Variants in KCNH8 observed in about 807,000 individuals in gnomAD.
KCNH8 encodes voltage-gated delayed rectifier potassium channel KCNH8.
Under a neutral mutation model 103.6 loss-of-function variants are expected in KCNH8, and 70 were observed. The ratio of observed to expected loss-of-function variants is 0.68; its 90% CI spans 0.56 to 0.82. The LOEUF is 0.82. Ranked by LOEUF, KCNH8 falls within the 40% of genes least tolerant of loss-of-function variation. KCNH8 has a pLI of 0.00. For missense variants in KCNH8, 1,217 were observed against 1,329.9 expected (o/e 0.92, Z 1.32); for synonymous variants, 498 against 489.4 (o/e 1.02, Z -0.23).
chr3:19,369,417 T>C (rs957766549), intron 5 of KCNH8, among the ~76,000 whole-genome samples: 1 of 151,878 alleles, frequency 6.6e-6, no homozygotes, highest in South Asian at 2.1e-4. Flanking sequence ...CCTTTTCCTG[T>C]ATCCTAAATG....
At chr3:19,396,222 C>T (rs1490659619) in intron 7 of KCNH8, among the ~76,000 whole-genome samples, 1 of 151,926 alleles carries the variant, frequency 6.6e-6, no homozygotes, top group Non-Finnish European at 1.5e-5. Flanking sequence ...AAGCTCAGAC[C>T]TTTGCATAGG....
intron 11 of KCNH8, among the ~76,000 whole-genome samples, chr3:19,461,902 TGTCCTTGTG>T (rs2125193233): frequency 6.6e-6 from 1 of 152,270 alleles, no homozygotes; most frequent in East Asian, 1.9e-4. Context: ...TACCTATGAG[TGTCCTTGTG>T]ATAGTTTGCT....
In KCNH8 at chr3:19,167,217, A is replaced by G. The variant is rs1408671655; in HGVS notation, c.76+18422A>G. Reference sequence around the variant, plus strand: ...ACTGGGGCCAGTTGTCCTAATTGTCAGACCTGTGTTTTAAGTTGTATCATA... The same window carrying G: ...ACTGGGGCCAGTTGTCCTAATTGTCGGACCTGTGTTTTAAGTTGTATCATA... On this transcript the variant is annotated intron_variant, in intron 1 of 15. Coordinates refer to ENST00000328405, the MANE Select transcript of KCNH8 (RefSeq NM_144633.3). Among the ~76,000 whole-genome samples, 38 of 152,238 alleles carry G rather than the reference A, an allele frequency of 2.5e-4. 1 individual carries two copies. The highest frequency in any genetic ancestry group is 1.5e-5 in the Non-Finnish European group (1 of 68,046).
chr3:19,456,684 A>G, intron 10 of KCNH8, 84 bp from the exon 11 acceptor site: 1 of 884,264 alleles, frequency 1.1e-6, no homozygotes, highest in Non-Finnish European at 1.8e-6. Context: ...ATCTCACTGA[A>G]AAATGAAGCC....
At position 19,227,356 on chromosome 3, in the gene KCNH8, T is replaced by C. The variant is rs1389537; in HGVS notation, c.77-26298T>C. On this transcript the variant is annotated intron_variant, in intron 1 of 15. Coordinates refer to ENST00000328405, the MANE Select transcript of KCNH8 (RefSeq NM_144633.3). ...CTGATATGTCAGAGAAGGGGGATGA[T>C]TGGGAGTAAGATAGTATACATGACA... Among the ~76,000 whole-genome samples, 1,422 of 152,296 alleles carry C rather than the reference T, an allele frequency of 9.3e-3. 8 individuals carry two copies. Among genetic ancestry groups the C allele is most frequent in the Non-Finnish European group, 0.014 (920 of 68,016 alleles).
intron 3 of KCNH8, among the ~76,000 whole-genome samples, chr3:19,332,606 A>AT (rs2065526166): frequency 1.3e-5 from 2 of 151,920 alleles, no homozygotes; most frequent in South Asian, 4.2e-4. Flanking sequence ...TTCCCAACCT[A>AT]TTTTTTAGAT....
chr3:19,253,716 G>A lies in KCNH8; in HGVS notation c.139G>A (p.Asp47Asn). 1 of 1,613,734 alleles carries A rather than the reference G, an allele frequency of 6.2e-7. No homozygotes were observed. Among genetic ancestry groups the A allele is most frequent in the Non-Finnish European group, 8.5e-7 (1 of 1,179,920 alleles). ...GGGTTTCCCCATAGTCTACTGTTCC[G>A]ATGGCTTCTGCGAGCTTGCTGGATT... ...AKGFPIVYCSDGFCELAGFAR... is the reference protein window; with the variant it reads ...AKGFPIVYCSNGFCELAGFAR... Residue 47 changes from aspartate to asparagine, a missense_variant, in exon 2 of 16, where the codon GAT becomes AAT. Physicochemically the swap from Asp to Asn is conservative, Grantham distance 23. Coordinates refer to ENST00000328405, the MANE Select transcript of KCNH8 (RefSeq NM_144633.3).
intron 3 of KCNH8, 42 bp downstream of exon 3, chr3:19,281,371 T>A (rs772304213): frequency 2.6e-5 from 40 of 1,537,256 alleles, no homozygotes; most frequent in Non-Finnish European, 3.4e-5. Flanking sequence ...TGGAGTAACA[T>A]TTTGAAATTG....
At chr3:19,418,913 T>C (rs1364102426) in intron 7 of KCNH8, among the ~76,000 whole-genome samples, 2 of 152,176 alleles carry the variant, frequency 1.3e-5, no homozygotes, top group African/African-American at 4.8e-5. Flanking sequence ...GTATTCTCTG[T>C]TATACTAATG....
chr3:19,266,625 C>G (rs1323038037), intron 2 of KCNH8, among the ~76,000 whole-genome samples: 2 of 152,018 alleles, frequency 1.3e-5, no homozygotes, highest in African/African-American at 4.8e-5. Flanking sequence ...TCTACAGTGC[C>G]TAGAATAGTT....
chr3:19,517,924 A>T (rs1345542939), intron 14 of KCNH8, 74 bp from the exon 15 acceptor site: 1 of 1,208,632 alleles, frequency 8.3e-7, no homozygotes, highest in Non-Finnish European at 1.2e-6. Flanking sequence ...TTTCTTTCAT[A>T]TTCTAATTGC....
chr3:19,330,752 C>A (rs985909741), intron 3 of KCNH8, among the ~76,000 whole-genome samples: 1 of 152,132 alleles, frequency 6.6e-6, no homozygotes, highest in Non-Finnish European at 1.5e-5. Context: ...ATAGTCAGGA[C>A]TTCCTAGGCA....
chr3:19,168,891 G>A (rs1362317054), intron 1 of KCNH8, among the ~76,000 whole-genome samples: 2 of 152,032 alleles, frequency 1.3e-5, no homozygotes, highest in Non-Finnish European at 2.9e-5. Flanking sequence ...ACATCTCAGG[G>A]TCGGTTTTCA....
At chr3:19,191,396 C>T (rs78213455) in intron 1 of KCNH8, among the ~76,000 whole-genome samples, 6,774 of 151,648 alleles carry the variant, frequency 0.045, 544 homozygotes, top group African/African-American at 0.15. Context: ...GTTATGATTT[C>T]GATATATCTG....
intron 2 of KCNH8, among the ~76,000 whole-genome samples, chr3:19,257,542 A>G (rs1338534244): frequency 2.6e-5 from 4 of 152,088 alleles, no homozygotes; most frequent in Admixed American, 1.3e-4. Context: ...ATGAAAGACC[A>G]TCATGATTGG....
intron 5 of KCNH8, among the ~76,000 whole-genome samples, chr3:19,379,484 C>T (rs780234845): frequency 1.4e-4 from 21 of 151,838 alleles, no homozygotes; most frequent in Non-Finnish European, 2.1e-4. Flanking sequence ...TACTAAAATA[C>T]AAAAAATTAC....
At position 19,151,167 on chromosome 3, in the gene KCNH8, T is replaced by C. The variant is rs541088998; in HGVS notation, c.76+2372T>C. Reference sequence around the variant, plus strand: ...TTTACTTTATCTTCTTATGCCATTGTTTCTTGTTGATACAGTTTTGTAATT... The same window carrying C: ...TTTACTTTATCTTCTTATGCCATTGCTTCTTGTTGATACAGTTTTGTAATT... On this transcript the variant is annotated intron_variant, in intron 1 of 15. Coordinates refer to ENST00000328405, the MANE Select transcript of KCNH8 (RefSeq NM_144633.3). Among the ~76,000 whole-genome samples, 7 of 152,312 alleles carry C rather than the reference T, an allele frequency of 4.6e-5. No individual in the cohort carries two copies. The South Asian group carries it at 1.4e-3, about 32-fold the overall frequency.
chr3:19,449,883 T>A (rs1245660269), intron 8 of KCNH8, among the ~76,000 whole-genome samples: 1 of 152,042 alleles, frequency 6.6e-6, no homozygotes, highest in Non-Finnish European at 1.5e-5. Flanking sequence ...TTTAAAGATA[T>A]TTTTACTCTG....
intron 3 of KCNH8, among the ~76,000 whole-genome samples, chr3:19,337,221 CT>C (rs574566120): frequency 2.6e-5 from 4 of 151,644 alleles, no homozygotes; most frequent in Non-Finnish European, 4.4e-5. Flanking sequence ...TTGTTTTATG[CT>C]TTTTTTTCCC....
Sources: gnomAD v4.1 joint callset for allele counts (sites outside exome capture counted in the v4.1 genomes callset) on GRCh38, gnomAD v4.1.1 for gene constraint, MANE v1.5 for transcripts, NCBI Gene and HGNC (gene_info 2026-07-23, HGNC 2026-07-21) for gene names.